The following ENTPD3 variants were observed in gnomAD, a reference collection of about 807,000 sequenced individuals.
ENTPD3 encodes CD39 antigen-like 3.
ENTPD3 carries 60 observed loss-of-function variants against 51.2 expected under a neutral mutation model. That is an observed-to-expected ratio of 1.17 (90% confidence interval 0.95 to 1.45). ENTPD3 has a LOEUF of 1.45. Among genes scored for constraint, ENTPD3 ranks in the 40% most tolerant of loss-of-function variants. The probability of loss-of-function intolerance (pLI) is 0.00; values close to 1 mark genes in which losing one functional copy is unlikely to be tolerated. For missense variants in ENTPD3, 593 were observed against 641.1 expected (o/e 0.93, Z 0.81); for synonymous variants, 221 against 238.4 (o/e 0.93, Z 0.67).
At position 40,428,573 on chromosome 3, in the gene ENTPD3, C is replaced by T. The variant is rs975220006; in HGVS notation, c.*1065C>T. ...TAAAAATCAGCATTATTTCATATTG[C>T]TGTTTCTTAGCTGAATATGGAATAA... On this transcript the variant is annotated 3_prime_UTR_variant, in exon 11 of 11. Coordinates refer to ENST00000301825, the MANE Select transcript of ENTPD3 (RefSeq NM_001248.4). 1.3e-5 allele frequency: 2 copies of T among 152,118 alleles called. No individual in the cohort carries two copies. The highest frequency in any genetic ancestry group is 6.5e-5 in the Admixed American group (1 of 15,270). The allele number at this position is 152,118 out of a possible 1,614,324, so 9.4% of individuals were successfully genotyped here.
At chr3:40,392,374 A>ACTGT in intron 3 of ENTPD3, 1 of 544,894 alleles carries the variant, frequency 1.8e-6, no homozygotes, top group Non-Finnish European at 3.2e-6. Context: ...TTCTCCAAGG[A>ACTGT]CTGTGTAGTC....
At chr3:40,424,057 T>C in intron 10 of ENTPD3, 94 bp downstream of exon 10, 1 of 1,573,648 alleles carries the variant, frequency 6.4e-7, no homozygotes, top group Non-Finnish European at 8.6e-7. Context: ...AGGGTATTAA[T>C]GAGTTAAACT....
intron 7 of ENTPD3, among the ~76,000 whole-genome samples, chr3:40,417,093 C>T (rs529825970): frequency 2.4e-4 from 37 of 152,132 alleles, no homozygotes; most frequent in Non-Finnish European, 4.4e-5. Context: ...CCCCAAACAT[C>T]TCCCCAATCC....
At position 40,392,027 on chromosome 3, in the gene ENTPD3, C is replaced by T. The variant is rs1387488392; in HGVS notation, c.45C>T (p.Leu15=). The T allele has an allele frequency of 1.2e-6, 2 of 1,614,132 alleles. No individual in the cohort carries two copies. The highest frequency in any genetic ancestry group is 1.7e-6 in the Non-Finnish European group (2 of 1,180,016). Residue 15 remains leucine, a synonymous_variant, in exon 3 of 11, where the codon CTC becomes CTT. Transcript: ENST00000301825. ...LTRQPCEQAG[L]KALYRTPTII... ...TTCTGGGTCTTCTCATTTTAGGCCTCAAGGCCCTCTACCGAACTCCAACCA... is the reference window on the plus strand; with the variant it reads ...TTCTGGGTCTTCTCATTTTAGGCCTTAAGGCCCTCTACCGAACTCCAACCA...
At chr3:40,399,313 T>C (rs959133457) in intron 3 of ENTPD3, among the ~76,000 whole-genome samples, 2 of 152,338 alleles carry the variant, frequency 1.3e-5, no homozygotes, top group African/African-American at 4.8e-5. Context: ...TTTTTCTTGT[T>C]TTGTGATTTT....
chr3:40,410,601 T>C (rs983001086), intron 4 of ENTPD3, among the ~76,000 whole-genome samples: 1 of 152,180 alleles, frequency 6.6e-6, no homozygotes, highest in African/African-American at 2.4e-5. Context: ...ATATTTTTTT[T>C]AAATTTCAAA....
At chr3:40,399,080 G>C (rs1292405717) in intron 3 of ENTPD3, among the ~76,000 whole-genome samples, 1 of 152,094 alleles carries the variant, frequency 6.6e-6, no homozygotes, top group East Asian at 1.9e-4. Context: ...AAATTAGCCA[G>C]GTGTGATGGT....
In ENTPD3 at chr3:40,427,747, A is replaced by C. The variant is rs553145558; in HGVS notation, c.*239A>C. 2.1e-4 allele frequency: 115 copies of C among 543,310 alleles called. No individual in the cohort carries two copies. The highest frequency in any genetic ancestry group is 2.0e-3 in the African/African-American group (106 of 52,904). The allele number at this position is 543,310 out of a possible 1,614,324, so 33.7% of individuals were successfully genotyped here. A position where few individuals can be genotyped will look rare whatever the true frequency, so the allele number is the denominator to read the frequency against. On this transcript the variant is annotated 3_prime_UTR_variant, in exon 11 of 11. Transcript: ENST00000301825. ...CACATGCTGATCTATTGGGGAACAG[A>C]GAAGAGACAGGCCACGAAGGTCAGG...
Position 40,427,673 on chromosome 3 carries a change from G to C in ENTPD3, c.*165G>C. 1.6e-6 allele frequency: 1 copy of C among 616,038 alleles called. No homozygotes were observed. Among genetic ancestry groups the C allele is most frequent in the East Asian group, 2.7e-5 (1 of 36,790 alleles). 38.2% of individuals were successfully genotyped at this position (616,038 alleles called of 1,614,324 possible). On this transcript the variant is annotated 3_prime_UTR_variant, in exon 11 of 11. Transcript: ENST00000301825. ...GATTTCTGCCACAGCACCTCTTGAGGCATCCCTTGGCTATTCTGTGCATAT... is the reference window on the plus strand; with the variant it reads ...GATTTCTGCCACAGCACCTCTTGAGCCATCCCTTGGCTATTCTGTGCATAT...
intron 3 of ENTPD3, 98 bp downstream of exon 3, chr3:40,392,248 T>C: frequency 7.0e-7 from 1 of 1,437,762 alleles, no homozygotes; most frequent in Non-Finnish European, 9.5e-7. Context: ...AGAAAATCCT[T>C]TCCCCCCATC....
intron 10 of ENTPD3, among the ~76,000 whole-genome samples, chr3:40,424,393 C>T (rs11921197): frequency 0.028 from 4,227 of 152,190 alleles, 185 homozygotes; most frequent in African/African-American, 0.092. Context: ...AATTCTTCTC[C>T]ATTTTATTCA....
intron 3 of ENTPD3, among the ~76,000 whole-genome samples, chr3:40,400,485 A>G (rs745312522): frequency 3.3e-5 from 5 of 152,064 alleles, no homozygotes; most frequent in Admixed American, 6.6e-5. Flanking sequence ...AGGCAACTCA[A>G]TTGTATGCAA....
chr3:40,413,682 G>GA (rs1369959942), intron 5 of ENTPD3, among the ~76,000 whole-genome samples: 1 of 152,108 alleles, frequency 6.6e-6, no homozygotes, highest in African/African-American at 2.4e-5. Flanking sequence ...CCATGGAACA[G>GA]AAAGCTCACC....
rs1250189292 is a variant in ENTPD3 at position 40,411,850 on chromosome 3, GTCCCCAGAGCCT to G, written c.327_338del (p.Pro110_Phe113del). 6.3e-7 allele frequency: 1 copy of G among 1,597,658 alleles called. No homozygotes were observed. The highest frequency in any genetic ancestry group is 1.1e-5 in the South Asian group (1 of 87,306). On this transcript the variant is annotated inframe_deletion, in exon 5 of 11. Coordinates refer to ENST00000301825, the MANE Select transcript of ENTPD3 (RefSeq NM_001248.4). Reference sequence around the variant, plus strand: ...CAGCTATGGAAATAACCCCCAAGATGTCCCCAGAGCCTTTGAGGAGTGTATGCAAAAAGTCAA... The same window carrying G: ...CAGCTATGGAAATAACCCCCAAGATGTTGAGGAGTGTATGCAAAAAGTCAA...
In ENTPD3 at chr3:40,423,833, T is replaced by C. The variant is rs151088343; in HGVS notation, c.1223T>C (p.Leu408Pro). 257 of 1,613,962 alleles carry C rather than the reference T, an allele frequency of 1.6e-4. No homozygotes were observed. Among genetic ancestry groups the C allele is most frequent in the Non-Finnish European group, 2.1e-4 (253 of 1,179,958 alleles). Reference protein sequence around the residue: ...FCSQNWSQLPLLLPKFDEVYA... With the variant: ...FCSQNWSQLPPLLPKFDEVYA... Reference sequence around the variant, plus strand: ...ATGTTTTAAACCTTTCAGCTCCCACTGCTGCTCCCCAAATTTGATGAGGTA... The same window carrying C: ...ATGTTTTAAACCTTTCAGCTCCCACCGCTGCTCCCCAAATTTGATGAGGTA... The change falls in exon 10 of 11, where the codon CTG (leucine) becomes CCG (proline). Residue 408 changes from leucine to proline, a missense_variant. Transcript: ENST00000301825.
Position 40,416,022 on chromosome 3 carries a change from G to A in ENTPD3, c.780G>A (p.Gln260=), listed in dbSNP as rs1416815956. The change falls in exon 7 of 11, where the codon CAG becomes CAA. Residue 260 remains glutamine (Q), a synonymous_variant. Transcript: ENST00000301825. Reference sequence around the variant, plus strand: ...ACACGCTCTACACACACAGCTTCCAGTGCTATGGCCGGAATGAGGCTGAGA... The same window carrying A: ...ACACGCTCTACACACACAGCTTCCAATGCTATGGCCGGAATGAGGCTGAGA... The part of the protein sequence containing the change: ...YVYTLYTHSF[Q]CYGRNEAEKK... 2 of 1,614,084 alleles carry A rather than the reference G, an allele frequency of 1.2e-6. No individual in the cohort carries two copies. Among genetic ancestry groups the A allele is most frequent in the Non-Finnish European group, 8.5e-7 (1 of 1,179,996 alleles).
chr3:40,425,595 C>T (rs1955965301), intron 10 of ENTPD3, among the ~76,000 whole-genome samples: 1 of 151,892 alleles, frequency 6.6e-6, no homozygotes, highest in Non-Finnish European at 1.5e-5. Flanking sequence ...GATGTTGTGG[C>T]TTAAAATTTA....
intron 3 of ENTPD3, among the ~76,000 whole-genome samples, chr3:40,395,995 C>T (rs901985598): frequency 4.6e-5 from 7 of 152,144 alleles, no homozygotes; most frequent in Non-Finnish European, 8.8e-5. Flanking sequence ...AGAGAACAGA[C>T]AACAGTGGCC....
In ENTPD3 at chr3:40,428,445, G is replaced by C. The variant is rs1956020806; in HGVS notation, c.*937G>C. On this transcript the variant is annotated 3_prime_UTR_variant, in exon 11 of 11. Coordinates refer to ENST00000301825, the MANE Select transcript of ENTPD3 (RefSeq NM_001248.4). ...CCCAGATCATAGACCTCTCTGCATAGTAGTCATAGGTCTTGACTTTGGGGA... is the reference window on the plus strand; with the variant it reads ...CCCAGATCATAGACCTCTCTGCATACTAGTCATAGGTCTTGACTTTGGGGA... 6.6e-6 allele frequency: 1 copy of C among 152,138 alleles called. No individual in the cohort carries two copies. Among genetic ancestry groups the C allele is most frequent in the Non-Finnish European group, 1.5e-5 (1 of 68,038 alleles). The allele number at this position is 152,138 out of a possible 1,614,324, so 9.4% of individuals were successfully genotyped here. A position where few individuals can be genotyped will look rare whatever the true frequency, so the allele number is the denominator to read the frequency against.
Sources: allele counts gnomAD v4.1 joint callset (sites outside exome capture counted in the v4.1 genomes callset), GRCh38; gene constraint gnomAD v4.1.1; transcripts MANE v1.5; gene names NCBI Gene and HGNC (gene_info 2026-07-23, HGNC 2026-07-21).